The following COL4A6 variants were observed in gnomAD, a reference collection of about 807,000 sequenced individuals.
COL4A6 encodes collagen alpha-6(IV) chain.
A neutral mutation model predicts 126.7 loss-of-function variants in COL4A6; 59 were observed. The observed-to-expected ratio is 0.47, with a 90% CI of 0.38 to 0.58. The LOEUF (loss-of-function observed/expected upper bound fraction) is 0.58. Among genes scored for constraint, COL4A6 ranks in the 20% least tolerant of loss-of-function variants. The probability of loss-of-function intolerance (pLI) is 0.00; values close to 1 mark genes in which losing one functional copy is unlikely to be tolerated. For missense variants in COL4A6, 1,285 were observed against 1,337.3 expected, an observed-to-expected ratio of 0.96 and a Z score of 0.61; for synonymous variants, 547 against 496.6, an observed-to-expected ratio of 1.10 and a Z score of -1.35.
chrX:108,235,444 T>G (rs977190939), intron 3 of COL4A6, among the ~76,000 whole-genome samples: 1 of 110,963 alleles, frequency 9.0e-6, no homozygotes, highest in Non-Finnish European at 1.9e-5. Context: ...GTGGGAAAAA[T>G]CCACTAGACT....
Position 108,391,086 on chromosome X carries a change from C to T in COL4A6, c.63+46856G>A, listed in dbSNP as rs186168837. Among the ~76,000 whole-genome samples, 410 of 111,207 alleles carry T rather than the reference C, an allele frequency of 3.7e-3. 2 individuals carry two copies. Among genetic ancestry groups the T allele is most frequent in the African/African-American group, 0.013 (398 of 30,589 alleles). ...CTGGAAGCTTCGTCACAGAGGGGCA[C>T]CAGCCAAATGCCATCCAGCGCTTTC... On this transcript the variant is annotated intron_variant, in intron 2 of 44. Coordinates refer to ENST00000334504, the MANE Select transcript of COL4A6 (RefSeq NM_033641.4).
intron 2 of COL4A6, among the ~76,000 whole-genome samples, chrX:108,436,741 A>G (rs2064274957): frequency 8.9e-6 from 1 of 112,021 alleles, no homozygotes; most frequent in African/African-American, 3.2e-5. Context: ...AGGGGTCACA[A>G]GATGTTGGTA....
intron 2 of COL4A6, among the ~76,000 whole-genome samples, chrX:108,366,942 A>C (rs1473767825): frequency 8.9e-6 from 1 of 112,058 alleles, no homozygotes; most frequent in Admixed American, 9.5e-5. Flanking sequence ...ATTGGAATTA[A>C]GTGGGTTAAA....
At chrX:108,161,821 C>T in intron 41 of COL4A6, 86 bp from the exon 42 acceptor site, 1 of 588,939 alleles carries the variant, frequency 1.7e-6, no homozygotes, top group South Asian at 2.6e-5. Flanking sequence ...ATGTGTCATG[C>T]CCAAGACTCA....
At chrX:108,423,825 G>C (rs1008840541) in intron 2 of COL4A6, among the ~76,000 whole-genome samples, 3 of 111,066 alleles carry the variant, frequency 2.7e-5, no homozygotes, top group African/African-American at 6.6e-5. Flanking sequence ...TATAATAAAG[G>C]CTTTCCTTTA....
At chrX:108,203,139 A>T (rs954825577) in intron 12 of COL4A6, among the ~76,000 whole-genome samples, 158 bp from the exon 13 acceptor site, 2 of 111,612 alleles carry the variant, frequency 1.8e-5, no homozygotes, top group African/African-American at 6.5e-5. Flanking sequence ...CTCCCTAACT[A>T]GCAGCTGTAC....
intron 13 of COL4A6, among the ~76,000 whole-genome samples, chrX:108,200,659 A>G (rs1273802398): frequency 8.9e-6 from 1 of 111,796 alleles, no homozygotes; most frequent in African/African-American, 3.3e-5. Context: ...ACATACAGTT[A>G]GACAGAATGA....
chrX:108,384,627 T>C (rs192236341), intron 2 of COL4A6, among the ~76,000 whole-genome samples: 336 of 111,620 alleles, frequency 3.0e-3, no homozygotes, highest in African/African-American at 0.011. Flanking sequence ...TCCTACTTGG[T>C]AGGCATGAGA....
chrX:108,427,429 C>T (rs1287575894), intron 2 of COL4A6, among the ~76,000 whole-genome samples: 8 of 111,982 alleles, frequency 7.1e-5, no homozygotes. Flanking sequence ...ACTAACTTAA[C>T]TTCCTAAGAG....
chrX:108,171,505 A>G (rs755852969), intron 32 of COL4A6, 44 bp from the exon 33 acceptor site: 7 of 1,075,539 alleles, frequency 6.5e-6, no homozygotes, highest in Non-Finnish European at 9.0e-6. Flanking sequence ...GAGAAGCTAT[A>G]GCTCATTTTG....
At chrX:108,382,225 T>C (rs1206590368) in intron 2 of COL4A6, among the ~76,000 whole-genome samples, 1 of 111,910 alleles carries the variant, frequency 8.9e-6, no homozygotes, top group Non-Finnish European at 1.9e-5. Flanking sequence ...ACCTTCATTA[T>C]GTCTGCTAGG....
intron 8 of COL4A6, among the ~76,000 whole-genome samples, chrX:108,207,707 G>A (rs2035588212): frequency 9.0e-6 from 1 of 111,458 alleles, no homozygotes; most frequent in African/African-American, 3.3e-5. Context: ...ACAATACAGT[G>A]TAACAACTTT....
intron 3 of COL4A6, among the ~76,000 whole-genome samples, chrX:108,276,397 C>T (rs1048113411): frequency 8.9e-6 from 1 of 112,611 alleles, no homozygotes; most frequent in African/African-American, 3.2e-5. Flanking sequence ...TTCTCATTGT[C>T]TTTGCTTATA....
At chrX:108,399,792 C>T (rs2041046108) in intron 2 of COL4A6, among the ~76,000 whole-genome samples, 3 of 111,706 alleles carry the variant, frequency 2.7e-5, no homozygotes, top group African/African-American at 6.5e-5. Flanking sequence ...CCAGATAATG[C>T]AGAAGCTTCC....
intron 3 of COL4A6, among the ~76,000 whole-genome samples, chrX:108,229,443 C>T (rs2036250897): frequency 1.8e-5 from 2 of 111,847 alleles, no homozygotes; most frequent in South Asian, 3.8e-4. Context: ...ATCAGACTTA[C>T]GCAGAGGTGA....
At chrX:108,400,152 G>A (rs1287078059) in intron 2 of COL4A6, among the ~76,000 whole-genome samples, 3 of 111,579 alleles carry the variant, frequency 2.7e-5, no homozygotes, top group Non-Finnish European at 5.7e-5. Flanking sequence ...TCTAAGAAGT[G>A]ATTTCTTTGC....
chrX:108,407,294 C>T (rs1434098037), intron 2 of COL4A6, among the ~76,000 whole-genome samples: 1 of 112,019 alleles, frequency 8.9e-6, no homozygotes, highest in Non-Finnish European at 1.9e-5. Flanking sequence ...CCTTCATAAC[C>T]TGGAAGTTCC....
chrX:108,294,411 TTTGG>T (rs1569412184), intron 3 of COL4A6, among the ~76,000 whole-genome samples: 1 of 88,187 alleles, frequency 1.1e-5, no homozygotes, highest in East Asian at 1.0e-3. Context: ...TTTTTTTTTT[TTTGG>T]TGTGTGTGTG....
rs767639025 is a variant in COL4A6, at chrX:108,161,705, T to C, written c.4247A>G (p.Lys1416Arg). 3.3e-6 allele frequency: 4 copies of C among 1,205,164 alleles called. No homozygotes were observed. The South Asian group carries it at 7.1e-5, about 21-fold the overall frequency. Residue 1416 changes from lysine (K) to arginine (R), a missense_variant, in exon 42 of 45, where the codon AAA (lysine) becomes AGA (arginine). Coordinates refer to ENST00000334504, the MANE Select transcript of COL4A6 (RefSeq NM_033641.4). Reference sequence around the variant, plus strand: ...GCCTGGGAGCCCACTGGGGCCATCTTTACCGGGGATGCCAGGTAAACCTTT... The same window carrying C: ...GCCTGGGAGCCCACTGGGGCCATCTCTACCGGGGATGCCAGGTAAACCTTT... ...GSKGLPGIPG[K>R]DGPSGLPGPP...
Sources: allele counts gnomAD v4.1 joint callset (sites outside exome capture counted in the v4.1 genomes callset), GRCh38; gene constraint gnomAD v4.1.1; transcripts MANE v1.5; gene names NCBI Gene and HGNC (gene_info 2026-07-23, HGNC 2026-07-21).